Variants in PCMT1 observed in about 807,000 individuals in gnomAD.
PCMT1 encodes protein-L-isoaspartate (D-aspartate) O-methyltransferase, also known as protein-L-isoaspartate(D-aspartate) O-methyltransferase.
In PCMT1, 9 loss-of-function variants were observed where a neutral mutation model predicts 29.2. That is an observed-to-expected ratio of 0.31 (90% CI 0.19 to 0.54). The LOEUF (loss-of-function observed/expected upper bound fraction) is 0.54, where lower values mean the gene tolerates loss of function less well. Among genes scored for constraint, PCMT1 ranks in the 20% least tolerant of loss-of-function variants. PCMT1 has a pLI of 0.95. For missense variants in PCMT1, 184 were observed against 282.2 expected (o/e 0.65, Z 2.49); for synonymous variants, 98 against 97.5 (o/e 1.00, Z -0.03).
At chr6:149,801,509 G>A (rs9322223) in intron 6 of PCMT1, among the ~76,000 whole-genome samples, 74,659 of 151,910 alleles carry the variant, frequency 0.49, 20,163 homozygotes, top group East Asian at 0.83. Flanking sequence ...GTGTGGTGGC[G>A]TGATCTTGGC....
chr6:149,771,294 T>C (rs775242552), intron 2 of PCMT1, 28 bp downstream of exon 2: 9 of 1,309,594 alleles, frequency 6.9e-6, no homozygotes, highest in Non-Finnish European at 9.9e-6. Context: ...GAAAATATCA[T>C]AGTTTTCATC....
At chr6:149,771,089 G>T (rs546535672) in intron 1 of PCMT1, 73 bp from the exon 2 acceptor site, 24 of 873,484 alleles carry the variant, frequency 2.7e-5, no homozygotes, top group Non-Finnish European at 3.8e-5. Flanking sequence ...CTATAGCACA[G>T]CTGGTGTAAT....
chr6:149,803,280 C>G (rs77383328), intron 7 of PCMT1, among the ~76,000 whole-genome samples: 5,553 of 152,122 alleles, frequency 0.037, 159 homozygotes, highest in Non-Finnish European at 0.057. Flanking sequence ...GTTTAAGAGT[C>G]ACCTTCTCCC....
At chr6:149,790,634 G>C (rs895650502) in intron 4 of PCMT1, among the ~76,000 whole-genome samples, 1 of 151,720 alleles carries the variant, frequency 6.6e-6, no homozygotes, top group South Asian at 2.1e-4. Flanking sequence ...ACAGTACTTG[G>C]TGGGGCATGT....
chr6:149,781,341 C>T (rs1320499454), intron 3 of PCMT1, among the ~76,000 whole-genome samples: 5 of 151,884 alleles, frequency 3.3e-5, no homozygotes, highest in Non-Finnish European at 5.9e-5. Context: ...ATTCTCCTGC[C>T]TCAGCCTCCT....
intron 1 of PCMT1, among the ~76,000 whole-genome samples, chr6:149,762,651 A>C (rs181653447): frequency 9.2e-4 from 3 of 3,262 alleles, no homozygotes; most frequent in South Asian, 0.011. Flanking sequence ...TATGATATAT[A>C]TATGATATAT....
At chr6:149,762,715 CTATGATATATATAT>C in intron 1 of PCMT1, among the ~76,000 whole-genome samples, 1 of 35,252 alleles carries the variant, frequency 2.8e-5, no homozygotes, top group Non-Finnish European at 3.8e-5. Context: ...ATATATATAT[CTATGATATATATAT>C]CTATGATATA....
At chr6:149,775,884 G>T (rs1057247442) in intron 3 of PCMT1, among the ~76,000 whole-genome samples, 1 of 152,172 alleles carries the variant, frequency 6.6e-6, no homozygotes, top group Non-Finnish European at 1.5e-5. Context: ...TCGTGGCCAG[G>T]CGTGGTGGCT....
At chr6:149,770,326 T>A (rs1025300018) in intron 1 of PCMT1, among the ~76,000 whole-genome samples, 3 of 152,112 alleles carry the variant, frequency 2.0e-5, no homozygotes, top group African/African-American at 7.2e-5. Context: ...TTACCTCCAC[T>A]CCCATCCCCA....
intron 2 of PCMT1, 30 bp from the exon 3 acceptor site, chr6:149,773,108 T>C: frequency 1.3e-6 from 2 of 1,570,342 alleles, no homozygotes; most frequent in Non-Finnish European, 1.7e-6. Flanking sequence ...TACAGCTGAC[T>C]GTATCAGTAG....
rs566836841 is a variant in PCMT1 at position 149,750,122 on chromosome 6, C to T, written c.55+166C>T. On this transcript the variant is annotated intron_variant, in intron 1 of 7. Coordinates refer to ENST00000464889, the MANE Select transcript of PCMT1 (RefSeq NM_001360452.2). ...AACGGCGTGCGCTTGCAGTCGCCTC[C>T]CTCGGGACCTGTCACTCGTCGACGA... 162 of 934,946 alleles carry T rather than the reference C, an allele frequency of 1.7e-4. No individual in the cohort carries two copies. In the Admixed American group the frequency reaches 2.2e-3, roughly 13 times the overall value. 57.9% of individuals were successfully genotyped at this position (934,946 alleles called of 1,614,324 possible).
At chr6:149,788,138 C>A (rs1365645801) in intron 3 of PCMT1, among the ~76,000 whole-genome samples, 1 of 151,994 alleles carries the variant, frequency 6.6e-6, no homozygotes, top group Non-Finnish European at 1.5e-5. Context: ...AGGATGGTCT[C>A]GATCTCCTGA....
At chr6:149,752,268 G>A (rs1043533797) in intron 1 of PCMT1, among the ~76,000 whole-genome samples, 5 of 151,802 alleles carry the variant, frequency 3.3e-5, no homozygotes, top group African/African-American at 1.2e-4. Context: ...CGTGATCTTG[G>A]CTCACTGCAA....
At chr6:149,783,143 T>C (rs1207514524) in intron 3 of PCMT1, among the ~76,000 whole-genome samples, 2 of 152,062 alleles carry the variant, frequency 1.3e-5, no homozygotes, top group Non-Finnish European at 2.9e-5. Context: ...ATTATTATTA[T>C]TTTTTTTCAA....
At chr6:149,779,324 C>T (rs969342736) in intron 3 of PCMT1, among the ~76,000 whole-genome samples, 3 of 152,124 alleles carry the variant, frequency 2.0e-5, no homozygotes, top group Non-Finnish European at 2.9e-5. Flanking sequence ...TCCTGCAGCA[C>T]GTAACTCCCT....
intron 7 of PCMT1, among the ~76,000 whole-genome samples, chr6:149,804,210 A>T (rs903747422): frequency 6.6e-6 from 1 of 152,136 alleles, no homozygotes; most frequent in Middle Eastern, 3.2e-3. Flanking sequence ...TGGTTTATAC[A>T]ATTACATAAT....
At chr6:149,763,160 CTA>C (rs1253083587) in intron 1 of PCMT1, among the ~76,000 whole-genome samples, 3 of 45,078 alleles carry the variant, frequency 6.7e-5, no homozygotes, top group Non-Finnish European at 9.3e-5. Flanking sequence ...TGATATATAT[CTA>C]TGATATCTAT....
chr6:149,796,403 T>A lies in PCMT1; in HGVS notation c.419-12T>A, dbSNP rs376067903. The stretch of plus-strand genomic sequence containing the variant: ...TAAACAGGTTTTTAAAGCATAGCTG[T>A]TTTTCTTTCAGTGGGGGATGGAAGA... On this transcript the variant is annotated splice_polypyrimidine_tract_variant and intron_variant, in intron 5 of 7. Transcript: ENST00000464889. The A allele has an allele frequency of 3.7e-6, 6 of 1,604,064 alleles. No homozygotes were observed. The African/African-American group carries it at 8.0e-5, about 22-fold the overall frequency.
rs1787991918 is a variant in PCMT1 at position 149,785,451 on chromosome 6, GCA to G, written c.193-4502_193-4501del. Among the ~76,000 whole-genome samples, 19 of 144,942 alleles carry G rather than the reference GCA, an allele frequency of 1.3e-4. No individual in the cohort carries two copies. The South Asian group carries it at 4.1e-3, about 31-fold the overall frequency. On this transcript the variant is annotated intron_variant, in intron 3 of 7. Transcript: ENST00000464889. ...TATTGATCATTCTTGGGTGTTTCTC[GCA>G]GAGGGGGATTTGGCAGGGTCATAGG...
Sources: gnomAD v4.1 joint callset for allele counts (sites outside exome capture counted in the v4.1 genomes callset) on GRCh38, gnomAD v4.1.1 for gene constraint, MANE v1.5 for transcripts, NCBI Gene and HGNC (gene_info 2026-07-23, HGNC 2026-07-21) for gene names.